Variants in HNMT observed in about 807,000 individuals in gnomAD.
HNMT encodes the protein histamine N-methyltransferase.
A neutral mutation model predicts 32.1 loss-of-function variants in HNMT; 30 were observed. The ratio of observed to expected loss-of-function variants is 0.93; its 90% CI spans 0.70 to 1.27. The LOEUF is 1.27. Ranked by LOEUF, HNMT falls within the 50% of genes most tolerant of loss-of-function variation. The pLI is 0.00. For missense variants in HNMT, 327 were observed against 346.0 expected (o/e 0.95, Z 0.43); for synonymous variants, 125 against 119.0 (o/e 1.05, Z -0.33).
intron 2 of HNMT, among the ~76,000 whole-genome samples, chr2:137,985,668 T>C (rs955344070): frequency 6.6e-6 from 1 of 152,206 alleles, no homozygotes; most frequent in African/African-American, 2.4e-5. Flanking sequence ...CCTCTTTTAC[T>C]AGTGCACTTG....
intron 2 of HNMT, among the ~76,000 whole-genome samples, chr2:137,980,389 T>A (rs956096955): frequency 2.0e-4 from 31 of 152,172 alleles, no homozygotes; most frequent in Non-Finnish European, 1.5e-5. Context: ...CCAGCTATGT[T>A]GTAGATTAGC....
intron 2 of HNMT, among the ~76,000 whole-genome samples, chr2:137,975,928 G>A (rs1680272826): frequency 6.6e-6 from 1 of 152,128 alleles, no homozygotes; most frequent in African/African-American, 2.4e-5. Context: ...TGCCCTCAAA[G>A]CGCCAATGGT....
chr2:138,007,212 T>C (rs921318129), intron 5 of HNMT, among the ~76,000 whole-genome samples: 2 of 152,056 alleles, frequency 1.3e-5, no homozygotes, highest in Non-Finnish European at 2.9e-5. Flanking sequence ...TTCGCAAAAG[T>C]AGAAGAAAGA....
intron 2 of HNMT, among the ~76,000 whole-genome samples, chr2:137,971,171 A>C (rs943402708): frequency 1.3e-5 from 2 of 151,612 alleles, no homozygotes; most frequent in Admixed American, 1.3e-4. Flanking sequence ...TAGCATTCAG[A>C]TAACTCCTAA....
intron 5 of HNMT, among the ~76,000 whole-genome samples, chr2:138,009,613 A>G (rs969296395): frequency 1.3e-5 from 2 of 152,086 alleles, no homozygotes; most frequent in African/African-American, 4.8e-5. Context: ...TTTTGGAAAA[A>G]TAGATCAAGT....
intron 2 of HNMT, among the ~76,000 whole-genome samples, chr2:137,973,368 C>A (rs1176595572): frequency 1.3e-5 from 2 of 152,128 alleles, no homozygotes; most frequent in African/African-American, 4.8e-5. Context: ...CAGCAAGGAA[C>A]TTTCTATCCT....
intron 2 of HNMT, among the ~76,000 whole-genome samples, chr2:137,974,267 A>G (rs1187354646): frequency 6.6e-6 from 1 of 152,116 alleles, no homozygotes. Context: ...GAATTGCTTT[A>G]TTCAGGGTCT....
At chr2:138,005,556 T>G (rs1270385929) in intron 5 of HNMT, among the ~76,000 whole-genome samples, 1 of 152,086 alleles carries the variant, frequency 6.6e-6, no homozygotes, top group African/African-American at 2.4e-5. Context: ...TTATTTTACC[T>G]ACTTCGTGTC....
At chr2:138,008,808 A>AAACCTGGAAGAC (rs780693849) in intron 5 of HNMT, among the ~76,000 whole-genome samples, 83 of 152,196 alleles carry the variant, frequency 5.5e-4, no homozygotes, top group Non-Finnish European at 9.7e-4. Flanking sequence ...AAAACTATAA[A>AAACCTGGAAGAC]AACCTGGAAG....
chr2:137,969,392 G>A (rs983268650), intron 1 of HNMT, among the ~76,000 whole-genome samples: 3 of 152,068 alleles, frequency 2.0e-5, no homozygotes, highest in African/African-American at 7.2e-5. Context: ...CTTAAATCTT[G>A]CAAATCCAAA....
rs1276925359 is a variant in HNMT at position 137,970,194 on chromosome 2, T to C, written c.167T>C (p.Ile56Thr). ...GGAGACACAAAATCAGAAATTAAGA[T>C]TCTAAGCATAGGCGGAGGTGCAGGT... ...RIGDTKSEIK[I>T]LSIGGGAGEI... Residue 56 changes from isoleucine (I) to threonine (T), a missense_variant, in exon 2 of 6, where the codon ATT becomes ACT. Transcript: ENST00000280097. 1.3e-6 allele frequency: 2 copies of C among 1,579,752 alleles called. No homozygotes were observed. Among genetic ancestry groups the C allele is most frequent in the East Asian group, 4.5e-5 (2 of 44,484 alleles).
At chr2:137,973,786 G>C (rs542570094) in intron 2 of HNMT, among the ~76,000 whole-genome samples, 2 of 152,082 alleles carry the variant, frequency 1.3e-5, no homozygotes, top group East Asian at 1.9e-4. Context: ...TTTTGGGGGG[G>C]GGTGGTCTAT....
chr2:137,981,442 A>C (rs886140571), intron 2 of HNMT: 1 of 1,402,516 alleles, frequency 7.1e-7, no homozygotes, highest in African/African-American at 1.4e-5. Context: ...TAGATCACAC[A>C]GTTGAAAATT....
At chr2:137,964,960 CA>C (rs756126706) in intron 1 of HNMT, among the ~76,000 whole-genome samples, 3 of 152,154 alleles carry the variant, frequency 2.0e-5, no homozygotes, top group Admixed American at 6.5e-5. Flanking sequence ...AGCCCTCCTC[CA>C]AATTTTACAT....
At chr2:137,978,647 T>C (rs1309579564) in intron 2 of HNMT, among the ~76,000 whole-genome samples, 2 of 140,658 alleles carry the variant, frequency 1.4e-5, no homozygotes, top group African/African-American at 5.1e-5. Context: ...GATAATATAG[T>C]ATTATACAAT....
chr2:137,980,990 C>T (rs774472995), intron 2 of HNMT, among the ~76,000 whole-genome samples: 5 of 152,104 alleles, frequency 3.3e-5, no homozygotes, highest in Admixed American at 6.5e-5. Flanking sequence ...TCTCCAAGCA[C>T]GGAGTTATAT....
chr2:138,005,289 G>A (rs1681298035), intron 5 of HNMT, 64 bp downstream of exon 5: 1 of 876,014 alleles, frequency 1.1e-6, no homozygotes, highest in Admixed American at 2.0e-5. Flanking sequence ...ATGGATTCCT[G>A]TGTTTGAAAG....
At chr2:138,005,412 T>C (rs1265901793) in intron 5 of HNMT, among the ~76,000 whole-genome samples, 187 bp downstream of exon 5, 3 of 152,070 alleles carry the variant, frequency 2.0e-5, no homozygotes, top group Non-Finnish European at 4.4e-5. Context: ...ATTTAGAAGG[T>C]ATAGTGGAAT....
chr2:137,975,633 G>A (rs1283856807), intron 2 of HNMT, among the ~76,000 whole-genome samples: 1 of 152,082 alleles, frequency 6.6e-6, no homozygotes, highest in Non-Finnish European at 1.5e-5. Flanking sequence ...ACATGTTAAG[G>A]TAACACAGAA....
Sources: allele counts gnomAD v4.1 joint callset (sites outside exome capture counted in the v4.1 genomes callset), GRCh38; gene constraint gnomAD v4.1.1; transcripts MANE v1.5; gene names NCBI Gene and HGNC (gene_info 2026-07-23, HGNC 2026-07-21).